Variants in EPS8 observed in about 807,000 individuals in gnomAD.
EPS8 encodes epidermal growth factor receptor kinase substrate 8.
A neutral mutation model predicts 103.8 loss-of-function variants in EPS8; 42 were observed. The observed-to-expected ratio is 0.40, with a 90% confidence interval of 0.32 to 0.52. The LOEUF is 0.52. Ranked by LOEUF, EPS8 falls within the 20% of genes least tolerant of loss-of-function variation. The pLI, the probability that EPS8 is intolerant of heterozygous loss-of-function variation, is 0.40. For missense variants in EPS8, 969 were observed against 1,005.1 expected (o/e 0.96, Z 0.49); for synonymous variants, 344 against 344.6 (o/e 1.00, Z 0.02).
At position 15,731,031 on chromosome 12, in the gene EPS8, A is replaced by T. The variant is rs1006906791; in HGVS notation, c.-21-48059T>A. 2.0e-5 allele frequency among the ~76,000 whole-genome samples: 3 copies of T among 152,228 alleles called. No individual in the cohort carries two copies. Among genetic ancestry groups the T allele is most frequent in the African/African-American group, 7.2e-5 (3 of 41,468 alleles). ...TTCAAATATCCCATTTACTTATTTC[A>T]GAAATGCCTCTTGTGCAAAAAGTTC... On this transcript the variant is annotated intron_variant, in intron 1 of 20. Transcript: ENST00000281172. This position sits in a 1 kb window ranked among gnomAD's most constrained non-coding sequence, Gnocchi z 5.1.
chr12:15,737,238 TA>T (rs1167256613), intron 1 of EPS8, among the ~76,000 whole-genome samples: 1 of 152,082 alleles, frequency 6.6e-6, no homozygotes, highest in East Asian at 1.9e-4. Flanking sequence ...AAAAGACATA[TA>T]ATGTTTAATT....
chr12:15,764,900 A>G lies in EPS8; in HGVS notation c.-22+24261T>C, dbSNP rs184352738. On this transcript the variant is annotated intron_variant, in intron 1 of 20. Transcript: ENST00000281172. This position sits in a 1 kb window ranked among gnomAD's most constrained non-coding sequence, Gnocchi z 4.1. ...CAACCATTAAAACTAAACATTATCA[A>G]TGTCAAGTACAATATCACTCTCCAA... 2.6e-5 allele frequency among the ~76,000 whole-genome samples: 4 copies of G among 152,324 alleles called. No individual in the cohort carries two copies. Among genetic ancestry groups the G allele is most frequent in the East Asian group, 3.9e-4 (2 of 5,178 alleles).
intron 1 of EPS8, among the ~76,000 whole-genome samples, chr12:15,703,356 A>G (rs1326226538): frequency 1.3e-5 from 2 of 152,176 alleles, no homozygotes; most frequent in African/African-American, 2.4e-5. Context: ...CTGTATGAAC[A>G]ATGTACTAGG....
chr12:15,735,369 T>C lies in EPS8; in HGVS notation c.-21-52397A>G, dbSNP rs1222996208. ...TTTTGCTCCCTCTTTTTTATCAAGA[T>C]TCAAAATTATATAGATGGAAAAAAT... On this transcript the variant is annotated intron_variant, in intron 1 of 20. Coordinates refer to ENST00000281172, the MANE Select transcript of EPS8 (RefSeq NM_004447.6). This position sits in a 1 kb window ranked among gnomAD's most constrained non-coding sequence, Gnocchi z 4.4. Among the ~76,000 whole-genome samples the C allele has an allele frequency of 2.0e-5, 3 of 152,144 alleles. No homozygotes were observed. Among genetic ancestry groups the C allele is most frequent in the Non-Finnish European group, 4.4e-5 (3 of 68,024 alleles).
intron 12 of EPS8, 102 bp downstream of exon 12, chr12:15,657,977 C>G (rs1472691332): frequency 4.2e-6 from 3 of 705,888 alleles, no homozygotes; most frequent in Non-Finnish European, 7.5e-6. Flanking sequence ...AAATAGTACC[C>G]ACGCAAGGTA....
chr12:15,674,177 G>C (rs1945863566), intron 3 of EPS8, among the ~76,000 whole-genome samples: 1 of 152,102 alleles, frequency 6.6e-6, no homozygotes, highest in Non-Finnish European at 1.5e-5. Context: ...ATGCATTGCT[G>C]TTTATGCATA....
In EPS8 at chr12:15,669,748, A is replaced by G; in HGVS notation, c.282T>C (p.Leu94=). ...GAGTCCACACTTTGCCCTTGGCATC[A>G]AGCAATTTCAATTTCCTTATTCCAT... ...VDDGIRKLKL[L]DAKGKVWTQD... Residue 94 remains leucine, a synonymous_variant, in exon 5 of 21, where the codon CTT becomes CTC. Coordinates refer to ENST00000281172, the MANE Select transcript of EPS8 (RefSeq NM_004447.6). The G allele has an allele frequency of 6.2e-7, 1 of 1,613,800 alleles. No individual in the cohort carries two copies. The highest frequency in any genetic ancestry group is 1.1e-5 in the South Asian group (1 of 91,028).
rs934998561 is a variant in EPS8, at chr12:15,736,052, A to G, written c.-21-53080T>C. ...AGGTGCGTACCACCATACCCAGCTA[A>G]TTTTTAAATTCTTTTGTAGAGATAA... On this transcript the variant is annotated intron_variant, in intron 1 of 20. Coordinates refer to ENST00000281172, the MANE Select transcript of EPS8 (RefSeq NM_004447.6). This position sits in a 1 kb window ranked among gnomAD's most constrained non-coding sequence, Gnocchi z 4.2. 1.3e-5 allele frequency among the ~76,000 whole-genome samples: 2 copies of G among 151,990 alleles called. No individual in the cohort carries two copies. The highest frequency in any genetic ancestry group is 4.8e-5 in the African/African-American group (2 of 41,354).
chr12:15,691,123 C>T (rs1946165856), intron 1 of EPS8, among the ~76,000 whole-genome samples: 1 of 151,570 alleles, frequency 6.6e-6, no homozygotes, highest in South Asian at 2.1e-4. Context: ...AAAGAAAAAG[C>T]ATCTTTAAGA....
chr12:15,785,272 G>A lies in EPS8; in HGVS notation c.-22+3889C>T, dbSNP rs1254693569. On this transcript the variant is annotated intron_variant, in intron 1 of 20. Coordinates refer to ENST00000281172, the MANE Select transcript of EPS8 (RefSeq NM_004447.6). This position sits in a 1 kb window ranked among gnomAD's most constrained non-coding sequence, Gnocchi z 4.9. ...CTCTAGAAATGAGTAGAAGCTGTGA[G>A]ACTAAAAGCAAAAGGAATAGTACAT... Among the ~76,000 whole-genome samples the A allele has an allele frequency of 1.3e-5, 2 of 152,096 alleles. No individual in the cohort carries two copies. The highest frequency in any genetic ancestry group is 1.9e-4 in the East Asian group (1 of 5,192).
intron 8 of EPS8, among the ~76,000 whole-genome samples, chr12:15,663,228 T>G (rs1049635570): frequency 6.6e-6 from 1 of 152,062 alleles, no homozygotes; most frequent in Non-Finnish European, 1.5e-5. Context: ...AAAAATATCA[T>G]TTGGAGGGCA....
chr12:15,646,332 T>C (rs1007043583), intron 15 of EPS8, among the ~76,000 whole-genome samples: 2 of 152,182 alleles, frequency 1.3e-5, no homozygotes, highest in Non-Finnish European at 2.9e-5. Context: ...AAAGGGCATA[T>C]AACTCTTGTG....
At chr12:15,699,439 C>G (rs1467952976) in intron 1 of EPS8, among the ~76,000 whole-genome samples, 1 of 152,192 alleles carries the variant, frequency 6.6e-6, no homozygotes, top group Non-Finnish European at 1.5e-5. Flanking sequence ...ACACACAGAT[C>G]ATTTGACATC....
At position 15,656,181 on chromosome 12, in the gene EPS8, A is replaced by C. The variant is rs137920518; in HGVS notation, c.1102-1888T>G. Among the ~76,000 whole-genome samples, 9 of 152,286 alleles carry C rather than the reference A, an allele frequency of 5.9e-5. No homozygotes were observed. The East Asian group carries it at 1.7e-3, about 29-fold the overall frequency. On this transcript the variant is annotated intron_variant, in intron 12 of 20. Coordinates refer to ENST00000281172, the MANE Select transcript of EPS8 (RefSeq NM_004447.6). Reference sequence around the variant, plus strand: ...TGTGAAATAAATAAGAGGAGGCAGCAAAAACTTCTTTATAAATAATACTTC... The same window carrying C: ...TGTGAAATAAATAAGAGGAGGCAGCCAAAACTTCTTTATAAATAATACTTC...
In EPS8 at chr12:15,764,247, C is replaced by T. The variant is rs1947070672; in HGVS notation, c.-22+24914G>A. On this transcript the variant is annotated intron_variant, in intron 1 of 20. Coordinates refer to ENST00000281172, the MANE Select transcript of EPS8 (RefSeq NM_004447.6). This position sits in a 1 kb window ranked among gnomAD's most constrained non-coding sequence, Gnocchi z 4.1. Reference sequence around the variant, plus strand: ...ACAAGAACAGCACCACGGGAAAGACCCACCCCCATGATTCAGTTACCTCCC... The same window carrying T: ...ACAAGAACAGCACCACGGGAAAGACTCACCCCCATGATTCAGTTACCTCCC... 6.6e-6 allele frequency among the ~76,000 whole-genome samples: 1 copy of T among 152,092 alleles called. No individual in the cohort carries two copies. Among genetic ancestry groups the T allele is most frequent in the South Asian group, 2.1e-4 (1 of 4,814 alleles).
In EPS8 at chr12:15,778,305, C is replaced by T. The variant is rs1416902402; in HGVS notation, c.-22+10856G>A. Among the ~76,000 whole-genome samples the T allele has an allele frequency of 6.6e-6, 1 of 152,180 alleles. No homozygotes were observed. The highest frequency in any genetic ancestry group is 1.5e-5 in the Non-Finnish European group (1 of 68,026). ...CGCATTAATCCCACACCTTTGCATG[C>T]ATGAGTATCATGTGAATAATGCTAC... On this transcript the variant is annotated intron_variant, in intron 1 of 20. Coordinates refer to ENST00000281172, the MANE Select transcript of EPS8 (RefSeq NM_004447.6). This position sits in a 1 kb window ranked among gnomAD's most constrained non-coding sequence, Gnocchi z 4.5.
intron 15 of EPS8, among the ~76,000 whole-genome samples, chr12:15,645,102 A>G (rs1467688052): frequency 6.6e-6 from 1 of 152,014 alleles, no homozygotes; most frequent in African/African-American, 2.4e-5. Flanking sequence ...TTAAATTTCT[A>G]TTTATCAAAG....
chr12:15,657,915 T>C, intron 12 of EPS8, 164 bp downstream of exon 12: 1 of 597,098 alleles, frequency 1.7e-6, no homozygotes, highest in Non-Finnish European at 3.0e-6. Flanking sequence ...ATTTACAGGG[T>C]TCTTTTAAAT....
chr12:15,711,410 G>C (rs139571307), intron 1 of EPS8, among the ~76,000 whole-genome samples: 3 of 152,210 alleles, frequency 2.0e-5, no homozygotes, highest in African/African-American at 7.2e-5. Context: ...TATACAATTT[G>C]CTTAAGTTAA....
Sources: gnomAD v4.1 joint callset for allele counts (sites outside exome capture counted in the v4.1 genomes callset) on GRCh38, gnomAD v4.1.1 for gene constraint, Gnocchi (gnomAD v3.1) non-coding constraint, MANE v1.5 for transcripts, NCBI Gene and HGNC (gene_info 2026-07-23, HGNC 2026-07-21) for gene names.